Variants in LSM14A observed in about 807,000 individuals in gnomAD.
LSM14A encodes LSM14A mRNA processing body assembly factor, also known as protein LSM14 homolog A.
In LSM14A, 14 loss-of-function variants were observed where a neutral mutation model predicts 52.4. The ratio of observed to expected loss-of-function variants is 0.27; its 90% CI spans 0.18 to 0.42. LSM14A has a LOEUF of 0.42. LSM14A is among the 10% of genes least tolerant of loss of function. LSM14A has a pLI of 1.00. For missense variants in LSM14A, 417 were observed against 581.8 expected (o/e 0.72, Z 2.91); for synonymous variants, 185 against 200.3 (o/e 0.92, Z 0.64).
intron 1 of LSM14A, among the ~76,000 whole-genome samples, chr19:34,181,203 C>T (rs962616492): frequency 1.3e-5 from 2 of 152,184 alleles, no homozygotes; most frequent in Non-Finnish European, 2.9e-5. Flanking sequence ...CAGTTCTCTA[C>T]TCTCCTCAGT....
chr19:34,199,178 G>A (rs1338683027), intron 3 of LSM14A, among the ~76,000 whole-genome samples: 1 of 151,994 alleles, frequency 6.6e-6, no homozygotes, highest in Non-Finnish European at 1.5e-5. Flanking sequence ...AGGCTGGAGT[G>A]CAGTGGCACG....
In LSM14A at chr19:34,196,674, G is replaced by A. The variant is rs964433419; in HGVS notation, c.326G>A (p.Gly109Asp). 4 of 1,612,838 alleles carry A rather than the reference G, an allele frequency of 2.5e-6. No individual in the cohort carries two copies. Among genetic ancestry groups the A allele is most frequent in the Non-Finnish European group, 3.4e-6 (4 of 1,179,624 alleles). ...TCGACTTCTTCATTCCAGTCCATGGGTTCTTATGGACCTTTCGGCAGGATG... is the reference window on the plus strand; with the variant it reads ...TCGACTTCTTCATTCCAGTCCATGGATTCTTATGGACCTTTCGGCAGGATG... Reference protein sequence around the residue: ...GSSTSSFQSMGSYGPFGRMPT... With the variant: ...GSSTSSFQSMDSYGPFGRMPT... Residue 109 changes from glycine (G) to aspartate (D), a missense_variant, in exon 3 of 10, where the codon GGT becomes GAT. Transcript: ENST00000544216.
chr19:34,216,980 G>A (rs1235600458), intron 6 of LSM14A, among the ~76,000 whole-genome samples: 1 of 152,112 alleles, frequency 6.6e-6, no homozygotes, highest in African/African-American at 2.4e-5. Context: ...TAAGCCCAGA[G>A]GCCAGGCACG....
At chr19:34,208,092 T>C (rs1429771884) in intron 3 of LSM14A, 1 of 152,188 alleles carries the variant, frequency 6.6e-6, no homozygotes, top group African/African-American at 2.4e-5. Flanking sequence ...TTTTATTAAC[T>C]GAAGTGAATA....
intron 1 of LSM14A, among the ~76,000 whole-genome samples, chr19:34,180,735 C>G (rs571470880): frequency 6.6e-6 from 1 of 152,162 alleles, no homozygotes; most frequent in Non-Finnish European, 1.5e-5. Flanking sequence ...TACACATTCC[C>G]TCAGCCCCCA....
At chr19:34,177,348 G>T (rs1328384078) in intron 1 of LSM14A, among the ~76,000 whole-genome samples, 1 of 152,076 alleles carries the variant, frequency 6.6e-6, no homozygotes, top group Non-Finnish European at 1.5e-5. Flanking sequence ...TAATGCATCT[G>T]AAATTGATTT....
At chr19:34,190,417 T>G (rs2145599971) in intron 1 of LSM14A, among the ~76,000 whole-genome samples, 1 of 152,248 alleles carries the variant, frequency 6.6e-6, no homozygotes, top group South Asian at 2.1e-4. Flanking sequence ...TCAGACCATA[T>G]TTTGGAAAGT....
Position 34,172,611 on chromosome 19 carries a change from T to G in LSM14A, c.-32T>G. ...GACAGTGGCGTGGGATCTGCCTCTCTGCGAGCAGCTGGGAGCGGCGGCGGC... is the reference window on the plus strand; with the variant it reads ...GACAGTGGCGTGGGATCTGCCTCTCGGCGAGCAGCTGGGAGCGGCGGCGGC... On this transcript the variant is annotated 5_prime_UTR_variant, in exon 1 of 10. Transcript: ENST00000544216. 1 of 1,540,936 alleles carries G rather than the reference T, an allele frequency of 6.5e-7. No individual in the cohort carries two copies. Among genetic ancestry groups the G allele is most frequent in the Non-Finnish European group, 8.7e-7 (1 of 1,146,088 alleles).
intron 6 of LSM14A, among the ~76,000 whole-genome samples, chr19:34,217,337 A>G (rs921256656): frequency 6.6e-6 from 1 of 150,572 alleles, no homozygotes; most frequent in African/African-American, 2.4e-5. Flanking sequence ...TTTTATGATT[A>G]TTGATTTAAT....
chr19:34,217,633 T>G (rs1199855390), intron 6 of LSM14A, among the ~76,000 whole-genome samples: 16 of 123,022 alleles, frequency 1.3e-4, no homozygotes, highest in Admixed American at 5.0e-4. Context: ...TTTTTTTTTT[T>G]TTTTTTTTTT....
chr19:34,183,757 C>T (rs562499598), intron 1 of LSM14A, among the ~76,000 whole-genome samples: 8 of 152,108 alleles, frequency 5.3e-5, no homozygotes, highest in Admixed American at 5.2e-4. Flanking sequence ...CAGGAGTTGA[C>T]ATCAACAGGC....
Position 34,227,556 on chromosome 19 carries a change from A to T in LSM14A, c.*168A>T, listed in dbSNP as rs577798488. The T allele has an allele frequency of 9.1e-6, 5 of 549,186 alleles. No homozygotes were observed. The East Asian group carries it at 1.6e-4, about 18-fold the overall frequency. 34.0% of individuals were successfully genotyped at this position (549,186 alleles called of 1,614,324 possible). ...CCGCTTAATTTCAAAGATAAAATGC[A>T]GTTACTTTTGGGGGTGGAAGGCTCA... On this transcript the variant is annotated 3_prime_UTR_variant, in exon 10 of 10. Transcript: ENST00000544216.
chr19:34,207,910 A>G (rs2071828421), intron 3 of LSM14A, among the ~76,000 whole-genome samples: 1 of 152,146 alleles, frequency 6.6e-6, no homozygotes, highest in Non-Finnish European at 1.5e-5. Context: ...AGAGTGTCCT[A>G]AAGACCATGT....
intron 6 of LSM14A, among the ~76,000 whole-genome samples, chr19:34,217,619 GTTTTT>G (rs34613927): frequency 7.3e-5 from 1 of 13,760 alleles, no homozygotes; most frequent in Non-Finnish European, 1.2e-4. Flanking sequence ...CCCCCCCCGT[GTTTTT>G]TTTTTTTTTT....
At chr19:34,221,938 T>G (rs2073091821) in intron 9 of LSM14A, 200 bp downstream of exon 9, 1 of 721,702 alleles carries the variant, frequency 1.4e-6, no homozygotes, top group East Asian at 1.3e-4. Flanking sequence ...AGTATCACCT[T>G]TATTTCATGT....
At chr19:34,208,753 G>A in intron 3 of LSM14A, 176 bp from the exon 4 acceptor site, 1 of 509,918 alleles carries the variant, frequency 2.0e-6, no homozygotes, top group Non-Finnish European at 3.5e-6. Context: ...CCTCCATATT[G>A]CCATAAAATT....
intron 1 of LSM14A, among the ~76,000 whole-genome samples, chr19:34,185,731 T>C (rs907256053): frequency 2.0e-5 from 3 of 152,214 alleles, no homozygotes; most frequent in Non-Finnish European, 4.4e-5. Context: ...TCAGATAGTT[T>C]CTGTATCTCA....
intron 1 of LSM14A, among the ~76,000 whole-genome samples, chr19:34,173,891 G>T (rs2068892868): frequency 6.6e-6 from 1 of 152,018 alleles, no homozygotes. Flanking sequence ...TGGTTTCACG[G>T]GATCAAGTAT....
intron 1 of LSM14A, among the ~76,000 whole-genome samples, chr19:34,183,354 C>T (rs1214589191): frequency 6.6e-6 from 1 of 152,096 alleles, no homozygotes; most frequent in African/African-American, 2.4e-5. Flanking sequence ...AGTTCGAGAT[C>T]AGCCTGACCA....
Sources: allele counts gnomAD v4.1 joint callset (sites outside exome capture counted in the v4.1 genomes callset), GRCh38; gene constraint gnomAD v4.1.1; transcripts MANE v1.5; gene names NCBI Gene and HGNC (gene_info 2026-07-23, HGNC 2026-07-21).